The following EMCN variants were observed in gnomAD, a reference collection of about 807,000 sequenced individuals.
The protein encoded by EMCN is MUC-14.
A neutral mutation model predicts 38.4 loss-of-function variants in EMCN; 37 were observed. The ratio of observed to expected loss-of-function variants is 0.96; its 90% CI spans 0.74 to 1.27. The LOEUF is 1.27. Among genes scored for constraint, EMCN ranks in the 50% most tolerant of loss-of-function variants. The pLI is 0.00. For missense variants in EMCN, 318 were observed against 302.8 expected (o/e 1.05, Z -0.37); for synonymous variants, 95 against 100.8 (o/e 0.94, Z 0.35).
intron 4 of EMCN, among the ~76,000 whole-genome samples, chr4:100,457,247 T>A (rs1728044566): frequency 6.6e-6 from 1 of 151,820 alleles, no homozygotes; most frequent in Non-Finnish European, 1.5e-5. Flanking sequence ...TAAGATCATG[T>A]CATCTGAGAA....
At position 100,499,811 on chromosome 4, in the gene EMCN, G is replaced by A. The variant is rs183386110; in HGVS notation, c.64+18040C>T. Among the ~76,000 whole-genome samples, 645 of 152,244 alleles carry A rather than the reference G, an allele frequency of 4.2e-3. 17 individuals are homozygous for A. Among genetic ancestry groups the A allele is most frequent in the Admixed American group, 0.04 (611 of 15,282 alleles). On this transcript the variant is annotated intron_variant, in intron 1 of 11. Coordinates refer to ENST00000296420, the MANE Select transcript of EMCN (RefSeq NM_016242.4). ...TTAAAGATGGTGAATACCTTTAACT[G>A]CTAAAATAATTTGAGGCAGTCACAT...
chr4:100,408,659 G>T (rs1278254364), intron 11 of EMCN, among the ~76,000 whole-genome samples: 1 of 152,100 alleles, frequency 6.6e-6, no homozygotes. Flanking sequence ...TCCCACTCAA[G>T]TGCTGGTCAT....
chr4:100,407,040 C>A (rs769593043), intron 11 of EMCN, among the ~76,000 whole-genome samples: 3 of 151,936 alleles, frequency 2.0e-5, no homozygotes, highest in Non-Finnish European at 2.9e-5. Flanking sequence ...GAATAGCAAC[C>A]CCTGCTCTTT....
At chr4:100,434,988 C>G (rs908866601) in intron 5 of EMCN, among the ~76,000 whole-genome samples, 1 of 152,094 alleles carries the variant, frequency 6.6e-6, no homozygotes, top group Non-Finnish European at 1.5e-5. Context: ...CCCTCTTTTA[C>G]CACTCCTATT....
At chr4:100,502,946 C>T (rs778195588) in intron 1 of EMCN, among the ~76,000 whole-genome samples, 9 of 151,992 alleles carry the variant, frequency 5.9e-5, no homozygotes, top group Non-Finnish European at 1.0e-4. Flanking sequence ...ATAAAAGTAT[C>T]ATTTTAAACA....
chr4:100,479,140 A>G (rs531060477), intron 2 of EMCN, among the ~76,000 whole-genome samples: 1 of 152,118 alleles, frequency 6.6e-6, no homozygotes, highest in Non-Finnish European at 1.5e-5. Context: ...TTAAGGGGGG[A>G]ATAGAAAGAG....
chr4:100,474,036 C>T (rs1728568604), intron 3 of EMCN: 1 of 152,184 alleles, frequency 6.6e-6, no homozygotes, highest in Admixed American at 6.5e-5. Flanking sequence ...CTTTCTGAAT[C>T]TTCAGGCTTC....
intron 5 of EMCN, among the ~76,000 whole-genome samples, chr4:100,432,138 C>T (rs1727221248): frequency 6.6e-6 from 1 of 152,120 alleles, no homozygotes; most frequent in Non-Finnish European, 1.5e-5. Flanking sequence ...AGCCCTTCAT[C>T]ACTTTTCAGA....
intron 1 of EMCN, among the ~76,000 whole-genome samples, chr4:100,514,623 C>A (rs1459590249): frequency 3.3e-5 from 5 of 152,084 alleles, no homozygotes; most frequent in Non-Finnish European, 7.4e-5. Flanking sequence ...TATTCAATAT[C>A]TCCTGAGGCT....
At chr4:100,496,335 T>C (rs1729206169) in intron 1 of EMCN, among the ~76,000 whole-genome samples, 1 of 152,144 alleles carries the variant, frequency 6.6e-6, no homozygotes, top group Admixed American at 6.5e-5. Flanking sequence ...TCTTGTCGAT[T>C]TTAGCAGCCT....
chr4:100,502,212 T>C (rs898674767), intron 1 of EMCN, among the ~76,000 whole-genome samples: 3 of 152,200 alleles, frequency 2.0e-5, no homozygotes, highest in African/African-American at 7.2e-5. Flanking sequence ...CCCACCCTAA[T>C]TTCTTATTAT....
chr4:100,408,573 A>C (rs1312864294), intron 11 of EMCN, among the ~76,000 whole-genome samples: 1 of 152,198 alleles, frequency 6.6e-6, no homozygotes, highest in Non-Finnish European at 1.5e-5. Flanking sequence ...GCTCTTACCC[A>C]GCCATGCAGC....
At chr4:100,414,559 G>A (rs1412361754) in intron 10 of EMCN, among the ~76,000 whole-genome samples, 1 of 151,990 alleles carries the variant, frequency 6.6e-6, no homozygotes, top group African/African-American at 2.4e-5. Flanking sequence ...GTGTATTGAA[G>A]AGTGGAAGAG....
intron 5 of EMCN, among the ~76,000 whole-genome samples, chr4:100,436,959 C>T (rs1727370663): frequency 6.6e-6 from 1 of 152,100 alleles, no homozygotes; most frequent in African/African-American, 2.4e-5. Context: ...ATGCAGCAAA[C>T]CATCACGGCA....
chr4:100,426,787 C>T lies in EMCN; in HGVS notation c.416-3383G>A, dbSNP rs999361690. Among the ~76,000 whole-genome samples the T allele has an allele frequency of 1.1e-4, 16 of 152,098 alleles. 1 individual carries two copies. The highest frequency in any genetic ancestry group is 3.9e-4 in the African/African-American group (16 of 41,422). ...GCCTAACTCTTCCTATGGAAAATCACCCCTTCCCCACTTCATGTGGTCATG... is the reference window on the plus strand; with the variant it reads ...GCCTAACTCTTCCTATGGAAAATCATCCCTTCCCCACTTCATGTGGTCATG... On this transcript the variant is annotated intron_variant, in intron 5 of 11. Transcript: ENST00000296420.
intron 1 of EMCN, among the ~76,000 whole-genome samples, chr4:100,483,102 C>T (rs1421816905): frequency 6.6e-6 from 1 of 152,064 alleles, no homozygotes; most frequent in Admixed American, 6.6e-5. Context: ...TTGGCAAGGG[C>T]TGACAACTCC....
intron 5 of EMCN, among the ~76,000 whole-genome samples, chr4:100,437,251 A>G (rs1038952572): frequency 6.6e-5 from 10 of 151,956 alleles, no homozygotes; most frequent in African/African-American, 2.4e-4. Flanking sequence ...TATTCAGGGT[A>G]TTTTGCCCAT....
At chr4:100,428,555 T>C (rs991593045) in intron 5 of EMCN, among the ~76,000 whole-genome samples, 1 of 152,158 alleles carries the variant, frequency 6.6e-6, no homozygotes, top group African/African-American at 2.4e-5. Context: ...GGCAAGGATC[T>C]TTATTGTGCT....
intron 5 of EMCN, among the ~76,000 whole-genome samples, chr4:100,445,273 T>C (rs1727636932): frequency 6.6e-6 from 1 of 152,206 alleles, no homozygotes; most frequent in South Asian, 2.1e-4. Flanking sequence ...TTTTGTTTTA[T>C]AATGTTAAAA....
Sources: gnomAD v4.1 joint callset for allele counts (sites outside exome capture counted in the v4.1 genomes callset) on GRCh38, gnomAD v4.1.1 for gene constraint, MANE v1.5 for transcripts, NCBI Gene and HGNC (gene_info 2026-07-23, HGNC 2026-07-21) for gene names.